The following FZD1 variants were observed in gnomAD, a reference collection of about 807,000 sequenced individuals.
The protein encoded by FZD1 is frizzled-1.
Under a neutral mutation model 48.0 loss-of-function variants are expected in FZD1, and 22 were observed. The observed-to-expected ratio is 0.46, with a 90% CI of 0.33 to 0.65. The LOEUF (loss-of-function observed/expected upper bound fraction) is 0.65. Ranked by LOEUF, FZD1 falls within the 30% of genes least tolerant of loss-of-function variation. The probability of loss-of-function intolerance (pLI) is 0.02; values close to 1 mark genes in which losing one functional copy is unlikely to be tolerated. For synonymous variants in FZD1, 486 were observed against 409.6 expected, an observed-to-expected ratio of 1.19 and a Z score of -2.25; for missense variants, 843 against 898.1, an observed-to-expected ratio of 0.94 and a Z score of 0.78.
chr7:91,265,775 C>T lies in FZD1; in HGVS notation c.895C>T (p.Pro299Ser). The change falls in exon 1 of 1, where the codon CCT (proline) becomes TCT (serine). Residue 299 changes from proline to serine, a missense_variant. Physicochemically the swap from Pro to Ser is moderately conservative, Grantham distance 74. Around this residue, in one of 2 missense-constraint regions of FZD1, gnomAD observed 490 missense variants for 466.5 expected, o/e 1.05. Coordinates refer to ENST00000287934, the MANE Select transcript of FZD1 (RefSeq NM_003505.2). The surrounding 1 kb of genome is among the most constrained non-coding windows in gnomAD (Gnocchi z 6.9). ...HFLGEKDCGA[P>S]CEPTKVYGLM... ...CCTGGGGGAGAAGGACTGCGGCGCA[C>T]CTTGTGAGCCGACCAAGGTGTATGG... is the stretch of plus-strand genomic sequence containing the variant. 2 of 1,612,654 alleles carry T rather than the reference C, an allele frequency of 1.2e-6. No homozygotes were observed. The highest frequency in any genetic ancestry group is 1.7e-6 in the Non-Finnish European group (2 of 1,179,120).
At position 91,267,684 on chromosome 7, in the gene FZD1, C is replaced by T. The variant is rs1803907419; in HGVS notation, c.*860C>T. 6.0e-6 allele frequency: 1 copy of T among 167,116 alleles called. No homozygotes were observed. Among genetic ancestry groups the T allele is most frequent in the Non-Finnish European group, 1.5e-5 (1 of 68,156 alleles). The allele number at this position is 167,116 out of a possible 1,614,324, so 10.4% of individuals were successfully genotyped here. A position where few individuals can be genotyped will look rare whatever the true frequency, so the allele number is the denominator to read the frequency against. ...ACCTTCAACGCCCAGACACTCCCTT[C>T]TCCCACCTTAGTTGGTTACAGGGTG... On this transcript the variant is annotated 3_prime_UTR_variant, in exon 1 of 1. Transcript: ENST00000287934.
At position 91,271,179 on chromosome 7, in the gene FZD1, G is replaced by A. The variant is rs1486972959; in HGVS notation, c.*4355G>A. On this transcript the variant is annotated 3_prime_UTR_variant, in exon 1 of 1. Coordinates refer to ENST00000287934, the MANE Select transcript of FZD1 (RefSeq NM_003505.2). Reference sequence around the variant, plus strand: ...AAAATGGTACTTGAACATCAATTATGTCTCAGAGTTCCCTTAAACTTTTTG... The same window carrying A: ...AAAATGGTACTTGAACATCAATTATATCTCAGAGTTCCCTTAAACTTTTTG... 2 of 167,026 alleles carry A rather than the reference G, an allele frequency of 1.2e-5. No homozygotes were observed. Among genetic ancestry groups the A allele is most frequent in the Non-Finnish European group, 2.9e-5 (2 of 68,092 alleles). 10.3% of individuals were successfully genotyped at this position (167,026 alleles called of 1,614,324 possible).
Position 91,265,773 on chromosome 7 carries a change from C to A in FZD1, c.893C>A (p.Ala298Glu). The A allele has an allele frequency of 1.2e-6, 2 of 1,612,582 alleles. No homozygotes were observed. The highest frequency in any genetic ancestry group is 1.7e-6 in the Non-Finnish European group (2 of 1,179,066). ...YHFLGEKDCGAPCEPTKVYGL... is the reference protein window; with the variant it reads ...YHFLGEKDCGEPCEPTKVYGL... ...TTCCTGGGGGAGAAGGACTGCGGCG[C>A]ACCTTGTGAGCCGACCAAGGTGTAT... The change falls in exon 1 of 1, where the codon GCA (alanine) becomes GAA (glutamate). Residue 298 changes from alanine (A) to glutamate (E), a missense_variant. Coordinates refer to ENST00000287934, the MANE Select transcript of FZD1 (RefSeq NM_003505.2). The surrounding 1 kb of genome is among the most constrained non-coding windows in gnomAD (Gnocchi z 6.9).
rs996674807 is a variant in FZD1, at chr7:91,269,080, T to C, written c.*2256T>C. 4 of 166,946 alleles carry C rather than the reference T, an allele frequency of 2.4e-5. No homozygotes were observed. The highest frequency in any genetic ancestry group is 5.9e-5 in the Non-Finnish European group (4 of 68,070). The allele number at this position is 166,946 out of a possible 1,614,324, so 10.3% of individuals were successfully genotyped here. The stretch of plus-strand genomic sequence containing the variant: ...ATTATGGAGGTTTATTTTTAAATCA[T>C]CACCTTTCTCATATTTTTTAGAGGT... On this transcript the variant is annotated 3_prime_UTR_variant, in exon 1 of 1. Transcript: ENST00000287934.
Position 91,267,021 on chromosome 7 carries a change from C to T in FZD1, c.*197C>T, listed in dbSNP as rs910733076. ...CAAAAGGACACGAGGGCCCGACTGC[C>T]AGAGGGAGGATGGACAGACCTCTTG... On this transcript the variant is annotated 3_prime_UTR_variant, in exon 1 of 1. Coordinates refer to ENST00000287934, the MANE Select transcript of FZD1 (RefSeq NM_003505.2). 5 of 556,620 alleles carry T rather than the reference C, an allele frequency of 9.0e-6. No homozygotes were observed. In the African/African-American group the frequency reaches 9.4e-5, roughly 11 times the overall value. The allele number at this position is 556,620 out of a possible 1,614,324, so 34.5% of individuals were successfully genotyped here.
In FZD1 at chr7:91,265,387, G is replaced by A. The variant is rs779561649; in HGVS notation, c.507G>A (p.Leu169=). The A allele has an allele frequency of 1.9e-6, 3 of 1,613,874 alleles. No individual in the cohort carries two copies. The African/African-American group carries it at 4.0e-5, about 22-fold the overall frequency. Residue 169 remains leucine (L), a synonymous_variant, in exon 1 of 1, where the codon CTG becomes CTA. Transcript: ENST00000287934. This position sits in a 1 kb window ranked among gnomAD's most constrained non-coding sequence, Gnocchi z 6.9. ...VQCSAELKFF[L]CSMYAPVCTV... The stretch of plus-strand genomic sequence containing the variant: ...GTTCCGCTGAGCTCAAGTTCTTCCT[G>A]TGCTCCATGTACGCGCCCGTGTGCA...
At position 91,266,671 on chromosome 7, in the gene FZD1, C is replaced by T. The variant is rs1243941088; in HGVS notation, c.1791C>T (p.Ser597=). 1 of 1,613,302 alleles carries T rather than the reference C, an allele frequency of 6.2e-7. No individual in the cohort carries two copies. ...GCGCCCCGCCGCACCCGCCCATGAG[C>T]CCGGACTTCACGGTCTTCATGATTA... ...GGGAPPHPPM[S]PDFTVFMIKY... is the part of the protein sequence containing the mutation. Residue 597 remains serine, a synonymous_variant, in exon 1 of 1, where the codon AGC becomes AGT. Transcript: ENST00000287934. This position sits in a 1 kb window ranked among gnomAD's most constrained non-coding sequence, Gnocchi z 6.8.
At position 91,268,118 on chromosome 7, in the gene FZD1, ATTTTC is replaced by A. The variant is rs1318279533; in HGVS notation, c.*1297_*1301del. The A allele has an allele frequency of 6.0e-6, 1 of 167,004 alleles. No individual in the cohort carries two copies. The highest frequency in any genetic ancestry group is 1.5e-5 in the Non-Finnish European group (1 of 68,110). The allele number at this position is 167,004 out of a possible 1,614,324, so 10.3% of individuals were successfully genotyped here. ...ATGGACTTCCTCAAAATGAAGTGCTATTTTCTTATTTTTAATCAAATAACTAGACA... is the reference window on the plus strand; with the variant it reads ...ATGGACTTCCTCAAAATGAAGTGCTATTATTTTTAATCAAATAACTAGACA... On this transcript the variant is annotated 3_prime_UTR_variant, in exon 1 of 1. Transcript: ENST00000287934.
rs1803841627 is a variant in FZD1 at position 91,264,872 on chromosome 7, C to G, written c.-9C>G. ...AGCGGAGCGGCGCCAAGAGAGGAGCCGAGAAAGTATGGCTGAGGAGGAGGC... is the reference window on the plus strand; with the variant it reads ...AGCGGAGCGGCGCCAAGAGAGGAGCGGAGAAAGTATGGCTGAGGAGGAGGC... On this transcript the variant is annotated 5_prime_UTR_variant, in exon 1 of 1. Coordinates refer to ENST00000287934, the MANE Select transcript of FZD1 (RefSeq NM_003505.2). 5 of 1,289,748 alleles carry G rather than the reference C, an allele frequency of 3.9e-6. No homozygotes were observed. The highest frequency in any genetic ancestry group is 4.9e-6 in the Non-Finnish European group (5 of 1,022,420). 79.9% of individuals were successfully genotyped at this position (1,289,748 alleles called of 1,614,324 possible). A position where few individuals can be genotyped will look rare whatever the true frequency, so the allele number is the denominator to read the frequency against.
At position 91,266,899 on chromosome 7, in the gene FZD1, TG is replaced by T; in HGVS notation, c.*76del. On this transcript the variant is annotated 3_prime_UTR_variant, in exon 1 of 1. Transcript: ENST00000287934. The surrounding 1 kb of genome is among the most constrained non-coding windows in gnomAD (Gnocchi z 6.8). ...CCCAAAGCCAGCGCCGTGGAGTTCG[TG>T]CCAATCCTGACATCTCGAGGTTTCC... 1 of 958,574 alleles carries T rather than the reference TG, an allele frequency of 1.0e-6. No homozygotes were observed. Among genetic ancestry groups the T allele is most frequent in the South Asian group, 1.6e-5 (1 of 63,088 alleles). The allele number at this position is 958,574 out of a possible 1,614,324, so 59.4% of individuals were successfully genotyped here. A position where few individuals can be genotyped will look rare whatever the true frequency, so the allele number is the denominator to read the frequency against.
In FZD1 at chr7:91,264,752, G is replaced by T; in HGVS notation, c.-129G>T. On this transcript the variant is annotated 5_prime_UTR_variant, in exon 1 of 1. Coordinates refer to ENST00000287934, the MANE Select transcript of FZD1 (RefSeq NM_003505.2). ...TACGCAGAACAGGAGCCGGGGGAGC[G>T]GGCCGAAAGCGGCTTGGGCTCGACG... The T allele has an allele frequency of 3.9e-6, 2 of 514,648 alleles. No individual in the cohort carries two copies. The highest frequency in any genetic ancestry group is 6.0e-6 in the Non-Finnish European group (2 of 333,620). The allele number at this position is 514,648 out of a possible 1,614,324, so 31.9% of individuals were successfully genotyped here.
chr7:91,266,474 A>C lies in FZD1; in HGVS notation c.1594A>C (p.Lys532Gln). 6.2e-7 allele frequency: 1 copy of C among 1,614,076 alleles called. No individual in the cohort carries two copies. The highest frequency in any genetic ancestry group is 2.2e-5 in the East Asian group (1 of 44,876). ...TGGCACCAAGACCGAGAAGCTGGAG[A>C]AGCTCATGGTGCGCATTGGCGTCTT... Reference protein sequence around the residue: ...HDGTKTEKLEKLMVRIGVFSV... With the variant: ...HDGTKTEKLEQLMVRIGVFSV... Residue 532 changes from lysine (K) to glutamine (Q), a missense_variant, in exon 1 of 1, where the codon AAG becomes CAG. Around this residue, in one of 2 missense-constraint regions of FZD1, gnomAD observed 353 missense variants for 431.6 expected, o/e 0.82. Coordinates refer to ENST00000287934, the MANE Select transcript of FZD1 (RefSeq NM_003505.2). The surrounding 1 kb of genome is among the most constrained non-coding windows in gnomAD (Gnocchi z 6.8).
chr7:91,264,542 C>G lies in FZD1; in HGVS notation c.-339C>G. ...CGGAGGCGCAGGGGGGAGCCGAGCC[C>G]GCTGGGCTGCGGAGAGTTGCGCTCT... On this transcript the variant is annotated 5_prime_UTR_variant, in exon 1 of 1. Transcript: ENST00000287934. 2.9e-6 allele frequency: 1 copy of G among 344,482 alleles called. No individual in the cohort carries two copies. Among genetic ancestry groups the G allele is most frequent in the East Asian group, 4.3e-5 (1 of 23,110 alleles). 21.3% of individuals were successfully genotyped at this position (344,482 alleles called of 1,614,324 possible). A position where few individuals can be genotyped will look rare whatever the true frequency, so the allele number is the denominator to read the frequency against.
chr7:91,265,277 A>G lies in FZD1; in HGVS notation c.397A>G (p.Ile133Val). Reference sequence around the variant, plus strand: ...CACGGACATCGCGTACAACCAGACCATCATGCCCAACCTGCTGGGCCACAC... The same window carrying G: ...CACGGACATCGCGTACAACCAGACCGTCATGCCCAACCTGCTGGGCCACAC... ...LCTDIAYNQT[I>V]MPNLLGHTNQ... Residue 133 changes from isoleucine to valine, a missense_variant, in exon 1 of 1, where the codon ATC becomes GTC. Physicochemically the swap from Ile to Val is conservative, Grantham distance 29. Coordinates refer to ENST00000287934, the MANE Select transcript of FZD1 (RefSeq NM_003505.2). The surrounding 1 kb of genome is among the most constrained non-coding windows in gnomAD (Gnocchi z 6.9). 1.2e-6 allele frequency: 2 copies of G among 1,614,072 alleles called. No homozygotes were observed. The highest frequency in any genetic ancestry group is 1.7e-6 in the Non-Finnish European group (2 of 1,179,974).
At position 91,264,542 on chromosome 7, in the gene FZD1, CGCTGGGCT is replaced by C; in HGVS notation, c.-336_-329del. ...CGGAGGCGCAGGGGGGAGCCGAGCC[CGCTGGGCT>C]GCGGAGAGTTGCGCTCTCTACGGGG... On this transcript the variant is annotated 5_prime_UTR_variant, in exon 1 of 1. An upstream open reading frame in the 5' UTR loses its in-frame stop. Coordinates refer to ENST00000287934, the MANE Select transcript of FZD1 (RefSeq NM_003505.2). The C allele has an allele frequency of 2.9e-6, 1 of 344,482 alleles. No individual in the cohort carries two copies. The allele number at this position is 344,482 out of a possible 1,614,324, so 21.3% of individuals were successfully genotyped here.
At position 91,270,150 on chromosome 7, in the gene FZD1, C is replaced by G. The variant is rs138005843; in HGVS notation, c.*3326C>G. 170 of 167,072 alleles carry G rather than the reference C, an allele frequency of 1.0e-3. No homozygotes were observed. The highest frequency in any genetic ancestry group is 3.9e-3 in the African/African-American group (162 of 41,516). The allele number at this position is 167,072 out of a possible 1,614,324, so 10.3% of individuals were successfully genotyped here. On this transcript the variant is annotated 3_prime_UTR_variant, in exon 1 of 1. Coordinates refer to ENST00000287934, the MANE Select transcript of FZD1 (RefSeq NM_003505.2). ...AGCATTGCTGTTTCCATGACAAACC[C>G]TATTTTCAGATGGTTTGATTTGCCT...
rs1803961712 is a variant in FZD1 at position 91,271,063 on chromosome 7, G to C, written c.*4239G>C. 6.0e-6 allele frequency: 1 copy of C among 166,956 alleles called. No homozygotes were observed. Among genetic ancestry groups the C allele is most frequent in the South Asian group, 2.1e-4 (1 of 4,836 alleles). The allele number at this position is 166,956 out of a possible 1,614,324, so 10.3% of individuals were successfully genotyped here. ...TTTAAAATGGGATCTTACAAGGGAA[G>C]TACCAAAAAAGTAAAGTTTATTTTG... On this transcript the variant is annotated 3_prime_UTR_variant, in exon 1 of 1. Transcript: ENST00000287934.
Position 91,264,804 on chromosome 7 carries a change from G to A in FZD1, c.-77G>A. On this transcript the variant is annotated 5_prime_UTR_variant, in exon 1 of 1. Coordinates refer to ENST00000287934, the MANE Select transcript of FZD1 (RefSeq NM_003505.2). ...AGGGCACCCGCGCAGAGGTCTCCCT[G>A]GCCGCAGGGGGAGCCGCCGCCGGCC... 1 of 1,061,188 alleles carries A rather than the reference G, an allele frequency of 9.4e-7. No individual in the cohort carries two copies. The highest frequency in any genetic ancestry group is 1.2e-6 in the Non-Finnish European group (1 of 823,508). The allele number at this position is 1,061,188 out of a possible 1,614,324, so 65.7% of individuals were successfully genotyped here. A position where few individuals can be genotyped will look rare whatever the true frequency, so the allele number is the denominator to read the frequency against.
In FZD1 at chr7:91,266,133, T is replaced by A; in HGVS notation, c.1253T>A (p.Ile418Asn). 1 of 1,614,126 alleles carries A rather than the reference T, an allele frequency of 6.2e-7. No individual in the cohort carries two copies. The highest frequency in any genetic ancestry group is 8.5e-7 in the Non-Finnish European group (1 of 1,180,008). Reference protein sequence around the residue: ...MLYFFSMASSIWWVILSLTWF... With the variant: ...MLYFFSMASSNWWVILSLTWF... ...TACTTCTTCAGCATGGCCAGCTCCA[T>A]CTGGTGGGTGATCCTGTCGCTCACC... is the stretch of plus-strand genomic sequence containing the variant. Residue 418 changes from isoleucine to asparagine, a missense_variant, in exon 1 of 1, where the codon ATC becomes AAC. Physicochemically the swap from Ile to Asn is moderately radical, Grantham distance 149. Around this residue, in one of 2 missense-constraint regions of FZD1, gnomAD observed 353 missense variants for 431.6 expected, o/e 0.82. Coordinates refer to ENST00000287934, the MANE Select transcript of FZD1 (RefSeq NM_003505.2). This position sits in a 1 kb window ranked among gnomAD's most constrained non-coding sequence, Gnocchi z 6.8.
Sources: gnomAD v4.1 joint callset for allele counts on GRCh38, gnomAD v4.1.1 for gene constraint, gnomAD v4.1.1 regional missense constraint, Gnocchi (gnomAD v3.1) non-coding constraint, MANE v1.5 for transcripts, NCBI Gene and HGNC (gene_info 2026-07-23, HGNC 2026-07-21) for gene names.